Variants in DNAH11 observed in about 807,000 individuals in gnomAD.
The protein encoded by DNAH11 is axonemal beta dynein heavy chain 11.
A neutral mutation model predicts 526.0 loss-of-function variants in DNAH11; 442 were observed. The ratio of observed to expected loss-of-function variants is 0.84; its 90% CI spans 0.78 to 0.91. The LOEUF is 0.91. DNAH11 is among the 40% of genes least tolerant of loss of function. The probability of loss-of-function intolerance (pLI) is 0.00; values close to 1 mark genes in which losing one functional copy is unlikely to be tolerated. For synonymous variants in DNAH11, 2,461 were observed against 1,935.9 expected (o/e 1.27, Z -7.12); for missense variants, 6,989 against 5,448.7 (o/e 1.28, Z -8.90).
In DNAH11 at chr7:21,787,518, C is replaced by G. The variant is rs767943346; in HGVS notation, c.9859C>G (p.Arg3287Gly). The G allele has an allele frequency of 2.5e-6, 4 of 1,613,448 alleles. No homozygotes were observed. The highest frequency in any genetic ancestry group is 1.1e-5 in the South Asian group (1 of 91,008). Reference sequence around the variant, plus strand: ...CCCAGAGTTTAATCCAAACCTGATTCGAACCAAATCTTTTGCAGCAGCTGG... The same window carrying G: ...CCCAGAGTTTAATCCAAACCTGATTGGAACCAAATCTTTTGCAGCAGCTGG... Reference protein sequence around the residue: ...KDPEFNPNLIRTKSFAAAGLC... With the variant: ...KDPEFNPNLIGTKSFAAAGLC... The change falls in exon 60 of 82, where the codon CGA becomes GGA. Residue 3287 changes from arginine (R) to glycine (G), a missense_variant. Coordinates refer to ENST00000409508, the MANE Select transcript of DNAH11 (RefSeq NM_001277115.2).
chr7:21,782,872 T>A (rs1788008507), intron 57 of DNAH11, among the ~76,000 whole-genome samples: 1 of 148,622 alleles, frequency 6.7e-6, no homozygotes, highest in Non-Finnish European at 1.5e-5. Context: ...ATCATGCCAC[T>A]GCACTCCAGC....
intron 74 of DNAH11, among the ~76,000 whole-genome samples, chr7:21,875,656 G>A (rs1310839494): frequency 6.6e-6 from 1 of 152,056 alleles, no homozygotes; most frequent in Non-Finnish European, 1.5e-5. Flanking sequence ...GCGAGACACT[G>A]TCTCAAAAAA....
chr7:21,579,595 TGA>T (rs1237191910), intron 8 of DNAH11, among the ~76,000 whole-genome samples: 1 of 152,148 alleles, frequency 6.6e-6, no homozygotes, highest in Non-Finnish European at 1.5e-5. Flanking sequence ...TGGCTGGATC[TGA>T]GAGTGTGAAA....
chr7:21,854,073 A>AAT (rs1332041577), intron 67 of DNAH11, among the ~76,000 whole-genome samples: 1 of 152,218 alleles, frequency 6.6e-6, no homozygotes, highest in African/African-American at 2.4e-5. Flanking sequence ...AGGTTTGTTT[A>AAT]ATCTGTAACC....
chr7:21,697,265 G>A (rs74584131), intron 35 of DNAH11, among the ~76,000 whole-genome samples: 2,524 of 152,098 alleles, frequency 0.017, 178 homozygotes, highest in Admixed American at 0.12. Context: ...TGTCTTTGGA[G>A]AGGGACTTTT....
intron 4 of DNAH11, among the ~76,000 whole-genome samples, 173 bp from the exon 5 acceptor site, chr7:21,560,898 G>GA (rs918565847): frequency 2.6e-5 from 4 of 151,980 alleles, no homozygotes; most frequent in East Asian, 3.9e-4. Flanking sequence ...ACAAGGCTAA[G>GA]AAAAAAATGT....
intron 30 of DNAH11, among the ~76,000 whole-genome samples, chr7:21,668,811 T>C (rs1031806929): frequency 2.0e-5 from 3 of 152,196 alleles, no homozygotes; most frequent in African/African-American, 4.8e-5. Context: ...ATTAAGTCTT[T>C]TTGTGAACAT....
intron 2 of DNAH11, among the ~76,000 whole-genome samples, chr7:21,553,081 T>C (rs1783082539): frequency 6.7e-6 from 1 of 149,326 alleles, no homozygotes; most frequent in Admixed American, 6.7e-5. Flanking sequence ...TTTTTTTTTT[T>C]TTTTTTTTTT....
chr7:21,634,711 A>G (rs557480005), intron 25 of DNAH11, among the ~76,000 whole-genome samples: 6 of 152,158 alleles, frequency 3.9e-5, no homozygotes, highest in Non-Finnish European at 8.8e-5. Flanking sequence ...CCTGTCAGGT[A>G]CTATGCCCAT....
At position 21,561,363 on chromosome 7, in the gene DNAH11, G is replaced by A. The variant is rs551792262; in HGVS notation, c.982+193G>A. The stretch of plus-strand genomic sequence containing the variant: ...TACTAAACTACTTTTAGTTTATCTG[G>A]TATATAGTAGTACCTGCCAAAATGG... On this transcript the variant is annotated intron_variant, in intron 5 of 81. Transcript: ENST00000409508. 4.1e-5 allele frequency: 20 copies of A among 491,750 alleles called. No individual in the cohort carries two copies. The South Asian group carries it at 6.6e-4, about 16-fold the overall frequency. The allele number at this position is 491,750 out of a possible 1,614,324, so 30.5% of individuals were successfully genotyped here. A position where few individuals can be genotyped will look rare whatever the true frequency, so the allele number is the denominator to read the frequency against.
In DNAH11 at chr7:21,607,684, G is replaced by A. The variant is rs111946125; in HGVS notation, c.3852+951G>A. Among the ~76,000 whole-genome samples the A allele has an allele frequency of 5.0e-3, 762 of 151,902 alleles. 4 individuals are homozygous for A. Among genetic ancestry groups the A allele is most frequent in the African/African-American group, 0.018 (725 of 41,404 alleles). ...ACGGTGGCTCACACCTGTAACCCAG[G>A]CACTTTGGGATTCGAGGTGGGCATA... is the stretch of plus-strand genomic sequence containing the variant. On this transcript the variant is annotated intron_variant, in intron 20 of 81. Coordinates refer to ENST00000409508, the MANE Select transcript of DNAH11 (RefSeq NM_001277115.2).
At position 21,543,074 on chromosome 7, in the gene DNAH11, C is replaced by T; in HGVS notation, c.-172C>T. ...TTCGCTTCGGCCTGCGAGGCTACAG[C>T]TGTGCGCAGTGGCGCGGCTGCTAAG... On this transcript the variant is annotated 5_prime_UTR_variant, in exon 1 of 82. Transcript: ENST00000409508. 2.9e-6 allele frequency: 4 copies of T among 1,365,238 alleles called. No homozygotes were observed. In the South Asian group the frequency reaches 6.6e-5, roughly 23 times the overall value. The allele number at this position is 1,365,238 out of a possible 1,614,324, so 84.6% of individuals were successfully genotyped here.
intron 14 of DNAH11, among the ~76,000 whole-genome samples, chr7:21,592,849 A>G (rs1011563674): frequency 2.0e-5 from 3 of 152,122 alleles, no homozygotes; most frequent in African/African-American, 7.2e-5. Context: ...CTTTAATGAT[A>G]TGAGGAAGAC....
At chr7:21,827,811 G>T (rs143250454) in intron 65 of DNAH11, among the ~76,000 whole-genome samples, 1 of 151,982 alleles carries the variant, frequency 6.6e-6, no homozygotes, top group Non-Finnish European at 1.5e-5. Context: ...TGGAGTTGAC[G>T]CCATGCAATT....
In DNAH11 at chr7:21,899,867, C is replaced by T. The variant is rs34245961; in HGVS notation, c.13163-113C>T. On this transcript the variant is annotated intron_variant, in intron 80 of 81. Coordinates refer to ENST00000409508, the MANE Select transcript of DNAH11 (RefSeq NM_001277115.2). ...CTCCAGCGCAGCCATGTGCCAATGC[C>T]CAAGAACCTAAAACACCCTATGGGA... 343,517 of 1,345,564 alleles carry T rather than the reference C, an allele frequency of 0.26. 46,984 individuals are homozygous for T. Among genetic ancestry groups the T allele is most frequent in the Non-Finnish European group, 0.28 (281,947 of 994,466 alleles). The allele number at this position is 1,345,564 out of a possible 1,614,324, so 83.4% of individuals were successfully genotyped here.
chr7:21,660,645 A>G (rs1782203824), intron 30 of DNAH11, among the ~76,000 whole-genome samples: 1 of 146,976 alleles, frequency 6.8e-6, no homozygotes, highest in South Asian at 2.3e-4. Flanking sequence ...ACATTTTGGC[A>G]TGCAAACATC....
chr7:21,648,756 A>G (rs542135708), intron 28 of DNAH11, among the ~76,000 whole-genome samples: 4 of 152,380 alleles, frequency 2.6e-5, no homozygotes, highest in Admixed American at 6.5e-5. Context: ...TATATTCATC[A>G]GTATCAAGGA....
intron 75 of DNAH11, among the ~76,000 whole-genome samples, chr7:21,881,168 T>G (rs1414846387): frequency 6.6e-6 from 1 of 152,188 alleles, no homozygotes; most frequent in Non-Finnish European, 1.5e-5. Context: ...ACAAAAACAG[T>G]GGTTTACATG....
intron 30 of DNAH11, among the ~76,000 whole-genome samples, chr7:21,661,818 A>G (rs1225402125): frequency 3.9e-5 from 6 of 151,950 alleles, no homozygotes; most frequent in African/African-American, 1.4e-4. Flanking sequence ...TAGTATATGG[A>G]AAATACTATT....
Sources: allele counts gnomAD v4.1 joint callset (sites outside exome capture counted in the v4.1 genomes callset), GRCh38; gene constraint gnomAD v4.1.1; transcripts MANE v1.5; gene names NCBI Gene and HGNC (gene_info 2026-07-23, HGNC 2026-07-21).